SEMA3E: variants seen among roughly 807,000 people sequenced by gnomAD.
SEMA3E encodes semaphorin 3E, also known as semaphorin-3E.
Under a neutral mutation model 93.6 loss-of-function variants are expected in SEMA3E, and 49 were observed. The ratio of observed to expected loss-of-function variants is 0.52; its 90% CI spans 0.42 to 0.66. The LOEUF is 0.66. SEMA3E is among the 30% of genes least tolerant of loss of function. The probability of loss-of-function intolerance (pLI) is 0.00; values close to 1 mark genes in which losing one functional copy is unlikely to be tolerated. For missense variants in SEMA3E, 906 were observed against 964.8 expected (o/e 0.94, Z 0.81); for synonymous variants, 363 against 330.7 (o/e 1.10, Z -1.06).
chr7:83,453,019 A>G (rs1789396559), intron 4 of SEMA3E, among the ~76,000 whole-genome samples: 1 of 152,098 alleles, frequency 6.6e-6, no homozygotes, highest in African/African-American at 2.4e-5. Flanking sequence ...TTCTAATGCT[A>G]ATTTATATCA....
chr7:83,613,056 T>A (rs903347904), intron 1 of SEMA3E, among the ~76,000 whole-genome samples: 1 of 152,086 alleles, frequency 6.6e-6, no homozygotes, highest in Non-Finnish European at 1.5e-5. Flanking sequence ...ATGTGATATA[T>A]GAACAAGGAT....
chr7:83,580,879 T>C (rs1415425580), intron 1 of SEMA3E, among the ~76,000 whole-genome samples: 1 of 151,962 alleles, frequency 6.6e-6, no homozygotes, highest in African/African-American at 2.4e-5. Flanking sequence ...AAAAAATTTA[T>C]TTAAGATTAT....
At chr7:83,494,049 T>G (rs1584287489) in intron 1 of SEMA3E, among the ~76,000 whole-genome samples, 1 of 152,052 alleles carries the variant, frequency 6.6e-6, no homozygotes, top group South Asian at 2.1e-4. Context: ...TTTTCTACTT[T>G]ATTTGATTAA....
chr7:83,480,382 C>T (rs1217194600), intron 2 of SEMA3E, among the ~76,000 whole-genome samples: 1 of 151,986 alleles, frequency 6.6e-6, no homozygotes, highest in Non-Finnish European at 1.5e-5. Context: ...GAGCCGAGTT[C>T]GTGCCACTGT....
intron 1 of SEMA3E, among the ~76,000 whole-genome samples, chr7:83,504,910 T>C (rs1030543665): frequency 3.3e-5 from 5 of 152,122 alleles, no homozygotes; most frequent in Admixed American, 1.3e-4. Flanking sequence ...ATTTTACAAA[T>C]TAGAAAAACA....
chr7:83,603,310 T>C (rs1793038029), intron 1 of SEMA3E, among the ~76,000 whole-genome samples: 1 of 152,128 alleles, frequency 6.6e-6, no homozygotes, highest in Non-Finnish European at 1.5e-5. Context: ...TTTTCAGTTC[T>C]TTCTGGCCAT....
chr7:83,505,201 C>T (rs1163796147), intron 1 of SEMA3E, among the ~76,000 whole-genome samples: 5 of 152,082 alleles, frequency 3.3e-5, no homozygotes, highest in Admixed American at 2.0e-4. Context: ...TGTATTTCAG[C>T]CTTTTTTCAT....
At chr7:83,572,169 A>G (rs761483432) in intron 1 of SEMA3E, among the ~76,000 whole-genome samples, 1 of 152,062 alleles carries the variant, frequency 6.6e-6, no homozygotes, top group Non-Finnish European at 1.5e-5. Flanking sequence ...TACAGAATCA[A>G]TGTTATCCTG....
chr7:83,556,217 C>T (rs1584328966), intron 1 of SEMA3E, among the ~76,000 whole-genome samples: 3 of 152,148 alleles, frequency 2.0e-5, no homozygotes, highest in Admixed American at 6.5e-5. Context: ...CACTTACCTT[C>T]GCTTTTTGAG....
chr7:83,512,108 T>C (rs1187823897), intron 1 of SEMA3E, among the ~76,000 whole-genome samples: 3 of 152,184 alleles, frequency 2.0e-5, no homozygotes, highest in Non-Finnish European at 4.4e-5. Context: ...AGAATGGTTT[T>C]AGGCCCCTAA....
intron 2 of SEMA3E, among the ~76,000 whole-genome samples, chr7:83,474,182 T>C (rs1210909548): frequency 2.0e-5 from 3 of 151,786 alleles, no homozygotes; most frequent in Admixed American, 6.6e-5. Context: ...AGATAAGGCA[T>C]GTAAATCCCA....
chr7:83,480,907 G>C (rs1027458813), intron 2 of SEMA3E, among the ~76,000 whole-genome samples: 5 of 152,134 alleles, frequency 3.3e-5, no homozygotes, highest in Admixed American at 2.0e-4. Flanking sequence ...TGCAGGGAAT[G>C]GGTGTGGGAA....
intron 1 of SEMA3E, among the ~76,000 whole-genome samples, chr7:83,538,913 C>G (rs1263633482): frequency 6.6e-6 from 1 of 152,144 alleles, no homozygotes; most frequent in African/African-American, 2.4e-5. Context: ...ATTCCCGTCG[C>G]TCTCTCTTAT....
In SEMA3E at chr7:83,408,428, G is replaced by C. The variant is rs376411187; in HGVS notation, c.610C>G (p.Arg204Gly). The C allele has an allele frequency of 9.9e-6, 16 of 1,613,598 alleles. No homozygotes were observed. The highest frequency in any genetic ancestry group is 1.7e-5 in the Admixed American group (1 of 59,882). ...DYWSRDAAIF[R>G]SMGRLAHIRT... ...ATATGGGCCAGTCGCCCCATGCTGC[G>C]GAAGATCGCAGCGTCTCTGCTCCAG... is the stretch of plus-strand genomic sequence containing the variant. Residue 204 changes from arginine to glycine, a missense_variant, in exon 6 of 17, where the codon CGC (arginine) becomes GGC (glycine). Transcript: ENST00000643230.
At chr7:83,562,516 A>G (rs1408797688) in intron 1 of SEMA3E, among the ~76,000 whole-genome samples, 1 of 134,764 alleles carries the variant, frequency 7.4e-6, no homozygotes, top group Admixed American at 7.6e-5. Flanking sequence ...TTTCAGTTGT[A>G]TGTGTGATGG....
intron 4 of SEMA3E, among the ~76,000 whole-genome samples, chr7:83,452,955 C>T (rs555888788): frequency 2.0e-5 from 3 of 152,136 alleles, no homozygotes; most frequent in Non-Finnish European, 4.4e-5. Context: ...AAATGGCATA[C>T]TCCAATGGAT....
At chr7:83,598,643 C>A (rs992663017) in intron 1 of SEMA3E, among the ~76,000 whole-genome samples, 1 of 152,126 alleles carries the variant, frequency 6.6e-6, no homozygotes, top group East Asian at 1.9e-4. Context: ...CTGCTGCAAG[C>A]ATTTGCAGAG....
chr7:83,467,152 A>C (rs2723016), intron 3 of SEMA3E, among the ~76,000 whole-genome samples: 66,317 of 145,756 alleles, frequency 0.45, 16,043 homozygotes, highest in East Asian at 0.68. Flanking sequence ...GCAGCCTCGC[A>C]TTCCCAGGCT....
At chr7:83,477,118 C>A (rs943843951) in intron 2 of SEMA3E, among the ~76,000 whole-genome samples, 3 of 151,882 alleles carry the variant, frequency 2.0e-5, no homozygotes, top group Non-Finnish European at 2.9e-5. Context: ...TAGGAGAGTG[C>A]AAACAAACTA....
Sources: gnomAD v4.1 joint callset for allele counts (sites outside exome capture counted in the v4.1 genomes callset) on GRCh38, gnomAD v4.1.1 for gene constraint, MANE v1.5 for transcripts, NCBI Gene and HGNC (gene_info 2026-07-23, HGNC 2026-07-21) for gene names.